KMT2E: variants seen among roughly 807,000 people sequenced by gnomAD.
KMT2E encodes the protein lysine methyltransferase 2E (inactive).
Under a neutral mutation model 184.6 loss-of-function variants are expected in KMT2E, and 30 were observed. The ratio of observed to expected loss-of-function variants is 0.16; its 90% CI spans 0.12 to 0.22. The LOEUF (loss-of-function observed/expected upper bound fraction) is 0.22. Ranked by LOEUF, KMT2E falls within the 10% of genes least tolerant of loss-of-function variation. The pLI is 1.00. For missense variants in KMT2E, 2,023 were observed against 2,237.4 expected (o/e 0.90, Z 1.93); for synonymous variants, 815 against 776.5 (o/e 1.05, Z -0.82).
intron 18 of KMT2E, 65 bp from the exon 19 acceptor site, chr7:105,105,794 A>T: frequency 6.4e-7 from 1 of 1,572,160 alleles, no homozygotes; most frequent in East Asian, 2.2e-5. Context: ...TCGGCTCTGT[A>T]TTTACAGGCT....
At chr7:105,105,323 TA>T (rs1798852270) in intron 17 of KMT2E, 115 bp from the exon 18 acceptor site, 1 of 719,346 alleles carries the variant, frequency 1.4e-6, no homozygotes, top group Non-Finnish European at 2.2e-6. Flanking sequence ...ATGAATGATT[TA>T]AATTACCCAA....
chr7:105,068,636 T>G (rs538429489), intron 6 of KMT2E, among the ~76,000 whole-genome samples: 46 of 136,124 alleles, frequency 3.4e-4, no homozygotes, highest in East Asian at 1.8e-3. Context: ...TTTTTTTTTT[T>G]TTGTTTTTTT....
At chr7:105,083,135 C>T (rs981928896) in intron 13 of KMT2E, among the ~76,000 whole-genome samples, 2 of 152,198 alleles carry the variant, frequency 1.3e-5, no homozygotes, top group Non-Finnish European at 2.9e-5. Context: ...CATCTGGACA[C>T]AGTTCACTCC....
intron 25 of KMT2E, 28 bp downstream of exon 25, chr7:105,110,630 ATTC>A: frequency 6.2e-7 from 1 of 1,613,430 alleles, no homozygotes; most frequent in Non-Finnish European, 8.5e-7. Flanking sequence ...CGATAATGTT[ATTC>A]TTAACAAATT....
chr7:105,105,847 T>C lies in KMT2E; in HGVS notation c.2452-12T>C, dbSNP rs1798876340. ...GTGATTCCTGTTCATTCATGTATTC[T>C]GTTTTATTCAGCGATGGTTGAAACA... On this transcript the variant is annotated splice_polypyrimidine_tract_variant and intron_variant, in intron 18 of 26. Transcript: ENST00000311117. 1 of 1,606,594 alleles carries C rather than the reference T, an allele frequency of 6.2e-7. No homozygotes were observed. The highest frequency in any genetic ancestry group is 8.5e-7 in the Non-Finnish European group (1 of 1,177,838).
rs576414554 is a variant in KMT2E at position 105,074,757 on chromosome 7, A to G, written c.671A>G (p.Asn224Ser). ...ACTGCTTCAAGAGTTTCCAAAGTTA[A>G]TGATAAAAGAAGGAAAAAAAGCGGG... ...TLTASRVSKV[N>S]DKRRKKSGEK... The change falls in exon 8 of 27, where the codon AAT becomes AGT. Residue 224 changes from asparagine (N) to serine (S), a missense_variant. Around this residue, in one of 8 missense-constraint regions of KMT2E, gnomAD observed 191 missense variants for 209.0 expected, o/e 0.91. Transcript: ENST00000311117. 38 of 1,609,998 alleles carry G rather than the reference A, an allele frequency of 2.4e-5. 1 individual carries two copies. The South Asian group carries it at 3.9e-4, about 16-fold the overall frequency.
At chr7:105,023,314 A>G (rs770240018) in intron 1 of KMT2E, among the ~76,000 whole-genome samples, 2 of 149,162 alleles carry the variant, frequency 1.3e-5, no homozygotes, top group Non-Finnish European at 3.0e-5. Context: ...GGGCAGGACA[A>G]TCGCTTGAAC....
At chr7:105,109,969 G>A (rs748093427) in intron 23 of KMT2E, among the ~76,000 whole-genome samples, 73 of 150,562 alleles carry the variant, frequency 4.8e-4, no homozygotes, top group Admixed American at 2.7e-3. Flanking sequence ...TCAGCTTCCC[G>A]AGTAGCGCCC....
intron 16 of KMT2E, 49 bp downstream of exon 16, chr7:105,101,638 A>G: frequency 2.9e-6 from 4 of 1,390,800 alleles, no homozygotes; most frequent in Non-Finnish European, 3.8e-6. Context: ...TTAAAATAAA[A>G]TGTCTATACT....
At chr7:105,095,984 G>A (rs775925378) in intron 15 of KMT2E, among the ~76,000 whole-genome samples, 1 of 152,150 alleles carries the variant, frequency 6.6e-6, no homozygotes, top group Non-Finnish European at 1.5e-5. Flanking sequence ...GCTGGGCTTG[G>A]TGGCTCACGC....
chr7:105,090,153 A>C lies in KMT2E; in HGVS notation c.1503A>C (p.Glu501Asp), dbSNP rs746475538. The C allele has an allele frequency of 6.2e-7, 1 of 1,613,394 alleles. No homozygotes were observed. ...KGKKDKDISK[E>D]KDTQNQNITL... is the part of the protein sequence containing the mutation. Reference sequence around the variant, plus strand: ...AAAAAGACAAAGATATTTCAAAAGAAAAAGATACACAAAATCAGAATATTA... The same window carrying C: ...AAAAAGACAAAGATATTTCAAAAGACAAAGATACACAAAATCAGAATATTA... Residue 501 changes from glutamate (E) to aspartate (D), a missense_variant, in exon 14 of 27, where the codon GAA becomes GAC. By Grantham distance (45) the Glu-to-Asp change is conservative (BLOSUM62 2). Coordinates refer to ENST00000311117, the MANE Select transcript of KMT2E (RefSeq NM_182931.3).
intron 1 of KMT2E, among the ~76,000 whole-genome samples, chr7:105,015,518 C>G (rs1794680393): frequency 6.6e-6 from 1 of 152,184 alleles, no homozygotes; most frequent in South Asian, 2.1e-4. Context: ...GTTTGGAGTT[C>G]TGGAGACCTT....
chr7:105,067,884 A>T (rs1797101353), intron 6 of KMT2E, among the ~76,000 whole-genome samples: 1 of 152,112 alleles, frequency 6.6e-6, no homozygotes, highest in Non-Finnish European at 1.5e-5. Context: ...AGGTGGGAGG[A>T]TAGCCTGAGC....
At chr7:105,092,063 T>G (rs1798226674) in intron 15 of KMT2E, among the ~76,000 whole-genome samples, 1 of 152,190 alleles carries the variant, frequency 6.6e-6, no homozygotes, top group Middle Eastern at 3.2e-3. Context: ...TGTCCTGTTT[T>G]CAGGGTTTCT....
At chr7:105,089,145 T>C (rs1458207395) in intron 13 of KMT2E, 2 of 307,420 alleles carry the variant, frequency 6.5e-6, no homozygotes, top group South Asian at 2.4e-5. Flanking sequence ...TCTTCTGTAA[T>C]ATATTACATG....
chr7:105,090,052 T>G lies in KMT2E; in HGVS notation c.1402T>G (p.Cys468Gly). The change falls in exon 14 of 27, where the codon TGC becomes GGC. Residue 468 changes from cysteine to glycine, a missense_variant. This residue lies in a region of KMT2E where 514 missense variants were observed against 621.8 expected (regional missense o/e 0.83). Coordinates refer to ENST00000311117, the MANE Select transcript of KMT2E (RefSeq NM_182931.3). ...DCACLKENPE[C>G]PVLKRSSESM... is the part of the protein sequence containing the mutation. ...TGCATGCCTCAAAGAAAACCCAGAG[T>G]GCCCTGTTCTAAAACGTAGTTCTGA... 1 of 1,613,508 alleles carries G rather than the reference T, an allele frequency of 6.2e-7. No individual in the cohort carries two copies. The highest frequency in any genetic ancestry group is 8.5e-7 in the Non-Finnish European group (1 of 1,179,838).
intron 15 of KMT2E, 35 bp downstream of exon 15, chr7:105,091,349 C>G: frequency 8.8e-7 from 1 of 1,138,464 alleles, no homozygotes; most frequent in Non-Finnish European, 1.3e-6. Flanking sequence ...GGCTTAGTGA[C>G]AGCTGCTCTG....
chr7:105,062,763 CCTAT>C (rs1440464529), intron 4 of KMT2E, among the ~76,000 whole-genome samples: 1 of 151,578 alleles, frequency 6.6e-6, no homozygotes, highest in Non-Finnish European at 1.5e-5. Context: ...AAAATAAAAG[CCTAT>C]CTAACTTATT....
intron 1 of KMT2E, among the ~76,000 whole-genome samples, chr7:105,032,214 C>T (rs1404844320): frequency 6.6e-6 from 1 of 151,556 alleles, no homozygotes; most frequent in Non-Finnish European, 1.5e-5. Context: ...AAGGTTGAGG[C>T]AGGCAGATCA....
Sources: allele counts gnomAD v4.1 joint callset (sites outside exome capture counted in the v4.1 genomes callset), GRCh38; gene constraint gnomAD v4.1.1; regional missense constraint gnomAD v4.1.1; transcripts MANE v1.5; gene names NCBI Gene and HGNC (gene_info 2026-07-23, HGNC 2026-07-21).